AQP9: variants seen among roughly 807,000 people sequenced by gnomAD.
AQP9 encodes the protein aquaporin 9.
Under a neutral mutation model 23.8 loss-of-function variants are expected in AQP9, and 19 were observed. That is an observed-to-expected ratio of 0.80 (90% CI 0.56 to 1.17). AQP9 has a LOEUF of 1.17. Among genes scored for constraint, AQP9 ranks in the 50% most tolerant of loss-of-function variants. The pLI is 0.00. For missense variants in AQP9, 413 were observed against 362.0 expected (o/e 1.14, Z -1.14); for synonymous variants, 153 against 131.5 (o/e 1.16, Z -1.12).
At chr15:58,166,877 A>G (rs1236726356) in intron 2 of AQP9, 78 bp downstream of exon 2, 4 of 1,459,750 alleles carry the variant, frequency 2.7e-6, no homozygotes, top group Non-Finnish European at 3.6e-6. Flanking sequence ...TGCTTCACAT[A>G]CCTTAATTTA....
In AQP9 at chr15:58,138,522, A is replaced by G; in HGVS notation, c.-44A>G. 1 of 1,504,466 alleles carries G rather than the reference A, an allele frequency of 6.6e-7. No individual in the cohort carries two copies. The highest frequency in any genetic ancestry group is 9.2e-7 in the Non-Finnish European group (1 of 1,088,602). The allele number at this position is 1,504,466 out of a possible 1,614,324, so 93.2% of individuals were successfully genotyped here. Reference sequence around the variant, plus strand: ...TGGCTGTGAAAGTGAGGACCACAACAGGTAGGTATTGGTAGAAACAGGAGT... The same window carrying G: ...TGGCTGTGAAAGTGAGGACCACAACGGGTAGGTATTGGTAGAAACAGGAGT... On this transcript the variant is annotated 5_prime_UTR_variant, in exon 1 of 6. Transcript: ENST00000219919.
rs112979115 is a variant in AQP9, at chr15:58,157,139, T to C, written c.112-9534T>C. On this transcript the variant is annotated intron_variant, in intron 1 of 5. Coordinates refer to ENST00000219919, the MANE Select transcript of AQP9 (RefSeq NM_020980.5). ...TTTTATAAATATTTGCATCATTTAA[T>C]GACAAAATATCTACTTGAGGATATT... Among the ~76,000 whole-genome samples the C allele has an allele frequency of 6.5e-3, 986 of 152,316 alleles. 16 individuals carry two copies. The highest frequency in any genetic ancestry group is 0.023 in the African/African-American group (948 of 41,572).
chr15:58,162,778 A>T (rs947501788), intron 1 of AQP9, among the ~76,000 whole-genome samples: 5 of 152,184 alleles, frequency 3.3e-5, no homozygotes, highest in African/African-American at 1.2e-4. Flanking sequence ...GTCAACATCA[A>T]CCGTGAGATG....
chr15:58,138,370 G>A, upstream of AQP9: 1 of 504,260 alleles, frequency 2.0e-6, no homozygotes, highest in Non-Finnish European at 3.6e-6. Flanking sequence ...AGCGAACAGG[G>A]AATGACAGTT....
intron 4 of AQP9, among the ~76,000 whole-genome samples, chr15:58,175,806 T>G (rs933471459): frequency 3.3e-5 from 5 of 152,198 alleles, no homozygotes; most frequent in African/African-American, 1.2e-4. Context: ...CCCACCTCCA[T>G]TCAATGTATG....
chr15:58,149,248 AAT>A (rs5812922), intron 1 of AQP9, among the ~76,000 whole-genome samples: 98,841 of 151,846 alleles, frequency 0.65, 32,523 homozygotes, highest in Admixed American at 0.73. Context: ...ACCTATTAGC[AAT>A]ATAGGTCTTG....
chr15:58,164,886 T>C (rs2140615167), intron 1 of AQP9, among the ~76,000 whole-genome samples: 1 of 152,318 alleles, frequency 6.6e-6, no homozygotes. Flanking sequence ...AAAAAAATTG[T>C]CTTTGTGCAA....
chr15:58,149,101 T>C (rs751649050), intron 1 of AQP9, among the ~76,000 whole-genome samples: 2 of 152,192 alleles, frequency 1.3e-5, no homozygotes, highest in Non-Finnish European at 2.9e-5. Context: ...GAAAACTAAC[T>C]GACAGGAAAG....
intron 1 of AQP9, among the ~76,000 whole-genome samples, chr15:58,143,965 C>T (rs1443934796): frequency 6.6e-6 from 1 of 152,132 alleles, no homozygotes; most frequent in Non-Finnish European, 1.5e-5. Flanking sequence ...GACATGAGTT[C>T]CCATTTATCA....
Position 58,179,220 on chromosome 15 carries a change from C to T in AQP9, c.588C>T (p.Ile196=), listed in dbSNP as rs769791318. ...CCAGAGGCCTAGAGCCCATTGCCATCGGCCTCCTGATTATTGTCATTGCTT... is the reference window on the plus strand; with the variant it reads ...CCAGAGGCCTAGAGCCCATTGCCATTGGCCTCCTGATTATTGTCATTGCTT... The part of the protein sequence containing the change: ...GAPRGLEPIA[I]GLLIIVIASS... The change falls in exon 5 of 6, where the codon ATC becomes ATT. Residue 196 remains isoleucine (I), a synonymous_variant. Transcript: ENST00000219919. The T allele has an allele frequency of 9.3e-6, 15 of 1,613,920 alleles. No homozygotes were observed. The highest frequency in any genetic ancestry group is 6.7e-5 in the African/African-American group (5 of 74,930).
At chr15:58,177,065 C>T (rs1249012489) in intron 4 of AQP9, among the ~76,000 whole-genome samples, 1 of 152,072 alleles carries the variant, frequency 6.6e-6, no homozygotes, top group Non-Finnish European at 1.5e-5. Context: ...GAATGCTGTC[C>T]GTATTCTTAG....
intron 1 of AQP9, among the ~76,000 whole-genome samples, chr15:58,164,773 T>A (rs1898462367): frequency 6.6e-6 from 1 of 152,136 alleles, no homozygotes; most frequent in Admixed American, 6.5e-5. Flanking sequence ...GTCAGAGAAA[T>A]CATTCTATGT....
At chr15:58,140,648 T>A (rs1897935345) in intron 1 of AQP9, among the ~76,000 whole-genome samples, 2 of 152,342 alleles carry the variant, frequency 1.3e-5, no homozygotes, top group South Asian at 4.1e-4. Flanking sequence ...TTAGAGAATG[T>A]GCATTTTGCC....
At chr15:58,145,032 AAGAT>A (rs1898018988) in intron 1 of AQP9, among the ~76,000 whole-genome samples, 1 of 151,362 alleles carries the variant, frequency 6.6e-6, no homozygotes. Context: ...AAAAAAAAAA[AAGAT>A]AAAAGAAAAA....
intron 1 of AQP9, among the ~76,000 whole-genome samples, chr15:58,149,230 A>G (rs879666186): frequency 7.9e-6 from 1 of 127,352 alleles, no homozygotes; most frequent in African/African-American, 2.8e-5. Context: ...CCAGATTCAG[A>G]AACTGTCACC....
chr15:58,143,484 C>T (rs1365525254), intron 1 of AQP9, among the ~76,000 whole-genome samples: 1 of 152,186 alleles, frequency 6.6e-6, no homozygotes, highest in Admixed American at 6.5e-5. Flanking sequence ...GTTTAAGTCA[C>T]TTGACCACAA....
intron 2 of AQP9, among the ~76,000 whole-genome samples, chr15:58,171,728 C>T (rs994442713): frequency 1.3e-5 from 2 of 152,206 alleles, no homozygotes; most frequent in African/African-American, 2.4e-5. Flanking sequence ...GAATCCCCCA[C>T]CCACTGCAAG....
chr15:58,175,615 A>G (rs1308571449), intron 4 of AQP9, among the ~76,000 whole-genome samples: 1 of 152,220 alleles, frequency 6.6e-6, no homozygotes, highest in Non-Finnish European at 1.5e-5. Flanking sequence ...TTGTCAACTC[A>G]AAAGACTCTT....
At position 58,138,637 on chromosome 15, in the gene AQP9, A is replaced by G; in HGVS notation, c.72A>G (p.Lys24=). ...QRLVLKSSLA[K]ETLSEFLGTF... is the part of the protein sequence containing the mutation. ...TGGTCTTGAAGAGCAGCTTAGCGAA[A>G]GAAACCCTCTCTGAGTTCTTGGGCA... is the stretch of plus-strand genomic sequence containing the variant. The change falls in exon 1 of 6, where the codon AAA becomes AAG. Residue 24 remains lysine, a synonymous_variant. Transcript: ENST00000219919. 6.2e-7 allele frequency: 1 copy of G among 1,613,906 alleles called. No homozygotes were observed. Among genetic ancestry groups the G allele is most frequent in the Non-Finnish European group, 8.5e-7 (1 of 1,179,800 alleles).
Sources: allele counts gnomAD v4.1 joint callset (sites outside exome capture counted in the v4.1 genomes callset), GRCh38; gene constraint gnomAD v4.1.1; transcripts MANE v1.5; gene names NCBI Gene and HGNC (gene_info 2026-07-23, HGNC 2026-07-21).